PVT1: variants seen among roughly 807,000 people sequenced by gnomAD.
PVT1 encodes the protein CXCR4/PVT1 fusion.
At chr8:127,831,119 A>ATATATC (rs989201184) in intron 2 of PVT1, among the ~76,000 whole-genome samples, 1 of 145,586 alleles carries the variant, frequency 6.9e-6, no homozygotes, top group Non-Finnish European at 1.5e-5. Context: ...GTGTGTATGT[A>ATATATC]TATATCTATA....
chr8:127,814,071 C>T (rs142704744), intron 2 of PVT1, among the ~76,000 whole-genome samples: 88 of 152,326 alleles, frequency 5.8e-4, no homozygotes, highest in African/African-American at 2.0e-3. Flanking sequence ...GCATGAACCA[C>T]CGCCCCCGGC....
chr8:127,878,998 G>A (rs1464455669), intron 2 of PVT1, among the ~76,000 whole-genome samples: 1 of 152,206 alleles, frequency 6.6e-6, no homozygotes, highest in Non-Finnish European at 1.5e-5. Flanking sequence ...GGATGTCATG[G>A]ATGACGTGAA....
chr8:127,909,913 C>G (rs1012492956), intron 3 of PVT1, among the ~76,000 whole-genome samples: 1 of 151,906 alleles, frequency 6.6e-6, no homozygotes, highest in Non-Finnish European at 1.5e-5. Flanking sequence ...ACATGATGCT[C>G]CTTTTCTTGG....
intron 4 of PVT1, among the ~76,000 whole-genome samples, chr8:128,044,867 C>T (rs1051877563): frequency 9.9e-5 from 15 of 152,174 alleles, no homozygotes; most frequent in East Asian, 1.9e-4. Context: ...CCTGAGGGTG[C>T]GGAGTGAGCC....
intron 3 of PVT1, among the ~76,000 whole-genome samples, chr8:127,896,094 A>T (rs1815671528): frequency 6.6e-6 from 1 of 152,252 alleles, no homozygotes; most frequent in African/African-American, 2.4e-5. Context: ...TAAGCAGTAT[A>T]TGCGCAGTGC....
chr8:127,821,307 C>T (rs910037869), intron 2 of PVT1, among the ~76,000 whole-genome samples: 8 of 151,244 alleles, frequency 5.3e-5, no homozygotes, highest in Non-Finnish European at 8.8e-5. Flanking sequence ...TCGAAATGTG[C>T]GAAAATTCAA....
chr8:127,871,505 G>A (rs1243040051), intron 2 of PVT1, among the ~76,000 whole-genome samples: 1 of 152,168 alleles, frequency 6.6e-6, no homozygotes, highest in East Asian at 1.9e-4. Flanking sequence ...GACTCCCAGT[G>A]TCCAGGGGCC....
Position 127,929,695 on chromosome 8 carries a change from G to A in PVT1, n.782+38697G>A, listed in dbSNP as rs1251026203. 2.0e-5 allele frequency among the ~76,000 whole-genome samples: 3 copies of A among 152,042 alleles called. No homozygotes were observed. In the East Asian group the frequency reaches 5.8e-4, roughly 29 times the overall value. On this transcript the variant is annotated intron_variant and non_coding_transcript_variant, in intron 3 of 10. Coordinates refer to ENST00000651587, the Ensembl canonical transcript of PVT1. ...AGGCAGGAGAATGGCGTGAACCCGG[G>A]AGGCGGAGCTTGCAGTGAGCCGAGA... is the stretch of plus-strand genomic sequence containing the variant.
At chr8:128,073,799 T>A (rs1168734758) in intron 5 of PVT1, among the ~76,000 whole-genome samples, 1 of 151,728 alleles carries the variant, frequency 6.6e-6, no homozygotes, top group African/African-American at 2.4e-5. Context: ...ACAATTTTTT[T>A]TTCTTTTTTT....
intron 2 of PVT1, among the ~76,000 whole-genome samples, chr8:127,863,078 T>TTTTATTTATTTA (rs146647918): frequency 1.2e-3 from 175 of 142,136 alleles, no homozygotes; most frequent in Middle Eastern, 7.1e-3. Flanking sequence ...CAGTTGCTAG[T>TTTTATTTATTTA]TTTATTTATT....
At chr8:128,097,049 C>T (rs1417040917) in intron 6 of PVT1, among the ~76,000 whole-genome samples, 1 of 152,208 alleles carries the variant, frequency 6.6e-6, no homozygotes, top group Non-Finnish European at 1.5e-5. Context: ...TACCTTTAGT[C>T]TAGATCAGGG....
chr8:127,985,423 G>A (rs569995466), intron 3 of PVT1, among the ~76,000 whole-genome samples: 4 of 151,170 alleles, frequency 2.6e-5, no homozygotes, highest in East Asian at 3.9e-4. Flanking sequence ...CACTGTGCCC[G>A]GCTGAGTAGC....
At chr8:127,873,136 A>G (rs1815370321) in intron 2 of PVT1, among the ~76,000 whole-genome samples, 1 of 152,320 alleles carries the variant, frequency 6.6e-6, no homozygotes, top group Admixed American at 6.5e-5. Flanking sequence ...ATGGTGTCCC[A>G]AGACAAGGGC....
At chr8:128,028,698 C>T (rs1813352568) in intron 4 of PVT1, among the ~76,000 whole-genome samples, 1 of 152,214 alleles carries the variant, frequency 6.6e-6, no homozygotes. Flanking sequence ...TAGGTTAGCA[C>T]ATTGCAAGCT....
intron 2 of PVT1, among the ~76,000 whole-genome samples, chr8:127,814,079 G>A (rs958289884): frequency 1.3e-5 from 2 of 152,170 alleles, no homozygotes; most frequent in Admixed American, 6.5e-5. Flanking sequence ...CACCGCCCCC[G>A]GCCGCAGATG....
intron 2 of PVT1, among the ~76,000 whole-genome samples, chr8:127,830,465 T>C (rs1256435493): frequency 6.6e-6 from 1 of 151,724 alleles, no homozygotes; most frequent in Non-Finnish European, 1.5e-5. Flanking sequence ...ATGTGGCCTG[T>C]GTCTTGGTGG....
At chr8:128,031,204 C>CGTGGCGG (rs1315373345) in intron 4 of PVT1, among the ~76,000 whole-genome samples, 3 of 152,174 alleles carry the variant, frequency 2.0e-5, no homozygotes, top group African/African-American at 4.8e-5. Context: ...TCCCGGGCTG[C>CGTGGCGG]GTGGCGGGTG....
intron 2 of PVT1, among the ~76,000 whole-genome samples, chr8:127,881,965 C>T (rs1815472783): frequency 6.6e-6 from 1 of 152,144 alleles, no homozygotes; most frequent in African/African-American, 2.4e-5. Flanking sequence ...GTCTCAAACT[C>T]CTGGGTTCAA....
At chr8:127,842,345 C>T (rs1002542253) in intron 2 of PVT1, among the ~76,000 whole-genome samples, 3 of 151,726 alleles carry the variant, frequency 2.0e-5, no homozygotes, top group African/African-American at 2.4e-5. Flanking sequence ...GGTTTCAACT[C>T]CTGGGATCCA....
Sources: gnomAD v4.1 joint callset for allele counts (sites outside exome capture counted in the v4.1 genomes callset) on GRCh38, gnomAD v4.1.1 for gene constraint, MANE v1.5 for transcripts, NCBI Gene and HGNC (gene_info 2026-07-23, HGNC 2026-07-21) for gene names.